Variants in PARD3B observed in about 807,000 individuals in gnomAD.
PARD3B encodes partitioning defective 3 homolog B.
PARD3B carries 103 observed loss-of-function variants against 130.2 expected under a neutral mutation model. The ratio of observed to expected loss-of-function variants is 0.79; its 90% CI spans 0.67 to 0.93. The LOEUF (loss-of-function observed/expected upper bound fraction) is 0.93. PARD3B is among the 40% of genes least tolerant of loss of function. The probability of loss-of-function intolerance (pLI) is 0.00; values close to 1 mark genes in which losing one functional copy is unlikely to be tolerated. For synonymous variants in PARD3B, 583 were observed against 553.2 expected (o/e 1.05, Z -0.76); for missense variants, 1,609 against 1,499.2 (o/e 1.07, Z -1.21).
intron 2 of PARD3B, among the ~76,000 whole-genome samples, chr2:204,801,935 A>T (rs539331257): frequency 6.6e-6 from 1 of 152,276 alleles, no homozygotes; most frequent in South Asian, 2.1e-4. Flanking sequence ...AATTTTATCA[A>T]AGGCCTTTTT....
chr2:205,566,129 G>A (rs2053324882), intron 22 of PARD3B, among the ~76,000 whole-genome samples: 1 of 152,218 alleles, frequency 6.6e-6, no homozygotes, highest in Non-Finnish European at 1.5e-5. Flanking sequence ...AACAAAGACT[G>A]TGGGAGTTGA....
At chr2:205,399,460 T>C (rs2046162801) in intron 18 of PARD3B, among the ~76,000 whole-genome samples, 1 of 151,724 alleles carries the variant, frequency 6.6e-6, no homozygotes, top group South Asian at 2.1e-4. Context: ...GTTCAAGTGA[T>C]TCTCCTGCCT....
intron 20 of PARD3B, among the ~76,000 whole-genome samples, chr2:205,467,664 G>T (rs1196081436): frequency 6.6e-6 from 1 of 152,170 alleles, no homozygotes; most frequent in Non-Finnish European, 1.5e-5. Flanking sequence ...TGAGTGTTCA[G>T]TAATCAGAAG....
intron 10 of PARD3B, among the ~76,000 whole-genome samples, chr2:205,129,581 G>A (rs553323300): frequency 4.6e-5 from 7 of 152,208 alleles, no homozygotes; most frequent in African/African-American, 1.4e-4. Flanking sequence ...TACTTTTGTC[G>A]TGTTCTATCT....
intron 2 of PARD3B, among the ~76,000 whole-genome samples, chr2:204,810,492 C>T (rs998333546): frequency 1.3e-5 from 2 of 152,018 alleles, no homozygotes; most frequent in African/African-American, 4.8e-5. Flanking sequence ...TATCAAAAGC[C>T]TTTTCTGCAT....
chr2:204,966,267 A>C (rs192844885), intron 3 of PARD3B, among the ~76,000 whole-genome samples: 1 of 152,216 alleles, frequency 6.6e-6, no homozygotes, highest in African/African-American at 2.4e-5. Flanking sequence ...TGATTTTTGG[A>C]AAAGCATCTG....
chr2:205,267,258 A>G (rs2040543570), intron 16 of PARD3B, among the ~76,000 whole-genome samples: 2 of 150,844 alleles, frequency 1.3e-5, no homozygotes, highest in African/African-American at 4.9e-5. Flanking sequence ...ATTATGGCAT[A>G]AAAAACTATT....
At chr2:205,040,061 T>C (rs1221650848) in intron 3 of PARD3B, among the ~76,000 whole-genome samples, 4 of 152,180 alleles carry the variant, frequency 2.6e-5, no homozygotes, top group Non-Finnish European at 5.9e-5. Context: ...CCTCCTGGGA[T>C]CAAGTGATCC....
intron 13 of PARD3B, among the ~76,000 whole-genome samples, chr2:205,179,658 T>C (rs533446505): frequency 6.6e-6 from 1 of 152,328 alleles, no homozygotes; most frequent in South Asian, 2.1e-4. Flanking sequence ...GTAAGTACAC[T>C]ATGATGTTGA....
intron 21 of PARD3B, among the ~76,000 whole-genome samples, chr2:205,528,168 C>CAG (rs1271757872): frequency 6.6e-6 from 1 of 152,166 alleles, no homozygotes; most frequent in Admixed American, 6.5e-5. Context: ...AGTAGCCTCT[C>CAG]ATGAAGCCTT....
At chr2:204,870,414 C>A (rs1469867559) in intron 2 of PARD3B, among the ~76,000 whole-genome samples, 2 of 152,134 alleles carry the variant, frequency 1.3e-5, no homozygotes, top group Admixed American at 6.6e-5. Flanking sequence ...TAGGTTTTGG[C>A]ATTGTGAGCA....
chr2:205,134,986 T>G (rs757725952), intron 10 of PARD3B, among the ~76,000 whole-genome samples: 6 of 151,542 alleles, frequency 4.0e-5, no homozygotes, highest in African/African-American at 7.3e-5. Flanking sequence ...AAATACGTTG[T>G]CTTGCAAAGT....
chr2:205,571,191 A>T (rs746876858), intron 22 of PARD3B, among the ~76,000 whole-genome samples: 4 of 152,236 alleles, frequency 2.6e-5, no homozygotes, highest in Non-Finnish European at 5.9e-5. Flanking sequence ...AAAGGCCGCT[A>T]TATCTTTGTC....
intron 21 of PARD3B, among the ~76,000 whole-genome samples, chr2:205,528,276 A>T (rs1222706338): frequency 6.6e-6 from 1 of 152,092 alleles, no homozygotes; most frequent in African/African-American, 2.4e-5. Context: ...ACCAGCAAAC[A>T]ACTTATTTAA....
chr2:204,789,386 A>G (rs765836079), intron 2 of PARD3B, among the ~76,000 whole-genome samples: 5 of 152,156 alleles, frequency 3.3e-5, no homozygotes, highest in African/African-American at 1.2e-4. Flanking sequence ...AATGATTTTT[A>G]TTTTGTGACA....
chr2:204,831,518 A>G (rs917808754), intron 2 of PARD3B, among the ~76,000 whole-genome samples: 3 of 152,242 alleles, frequency 2.0e-5, no homozygotes, highest in Admixed American at 2.0e-4. Flanking sequence ...GTTAAAATCA[A>G]GTCTAGAGAA....
intron 22 of PARD3B, among the ~76,000 whole-genome samples, chr2:205,583,606 T>C (rs2054085299): frequency 2.6e-5 from 4 of 152,224 alleles, no homozygotes; most frequent in Admixed American, 2.6e-4. Flanking sequence ...CCTATTATGT[T>C]GGTTCCATTA....
intron 1 of PARD3B, among the ~76,000 whole-genome samples, chr2:204,634,983 T>A (rs928158437): frequency 7.2e-5 from 11 of 152,230 alleles, no homozygotes; most frequent in Non-Finnish European, 1.6e-4. Flanking sequence ...CTTTCCCTTT[T>A]TTACTGGTTT....
chr2:205,500,053 A>G (rs370758685), intron 21 of PARD3B, 22 bp downstream of exon 21: 32 of 1,610,908 alleles, frequency 2.0e-5, no homozygotes, highest in African/African-American at 9.4e-5. Context: ...CATGATTTCA[A>G]TCGTTGAATT....
Sources: gnomAD v4.1 joint callset for allele counts (sites outside exome capture counted in the v4.1 genomes callset) on GRCh38, gnomAD v4.1.1 for gene constraint, MANE v1.5 for transcripts, NCBI Gene and HGNC (gene_info 2026-07-23, HGNC 2026-07-21) for gene names.